RORA: variants seen among roughly 807,000 people sequenced by gnomAD.
RORA encodes the protein RAR related orphan receptor A.
In RORA, 7 loss-of-function variants were observed where a neutral mutation model predicts 69.5. The ratio of observed to expected loss-of-function variants is 0.10; its 90% confidence interval spans 0.06 to 0.19. The LOEUF is 0.19. RORA is among the 10% of genes least tolerant of loss of function. The pLI, the probability that RORA is intolerant of heterozygous loss-of-function variation, is 1.00. For missense variants in RORA, 457 were observed against 663.0 expected, an observed-to-expected ratio of 0.69 and a Z score of 3.41; for synonymous variants, 261 against 240.8, an observed-to-expected ratio of 1.08 and a Z score of -0.78.
At chr15:61,174,559 T>A (rs1162978625) in intron 1 of RORA, among the ~76,000 whole-genome samples, 1 of 152,228 alleles carries the variant, frequency 6.6e-6, no homozygotes, top group South Asian at 2.1e-4. Flanking sequence ...TCTCAGGAAG[T>A]AGTATATCAC....
intron 1 of RORA, among the ~76,000 whole-genome samples, chr15:60,809,020 G>A (rs927478237): frequency 2.0e-5 from 3 of 152,082 alleles, no homozygotes; most frequent in African/African-American, 7.2e-5. Flanking sequence ...GAGACTCAGA[G>A]GAAATGTTGG....
At chr15:60,907,398 G>A (rs943899849) in intron 1 of RORA, among the ~76,000 whole-genome samples, 4 of 152,084 alleles carry the variant, frequency 2.6e-5, no homozygotes, top group Non-Finnish European at 2.9e-5. Context: ...CAGGAGTCAG[G>A]GGCCATCCAC....
chr15:60,777,398 C>G (rs555764277), intron 1 of RORA, among the ~76,000 whole-genome samples: 8 of 152,292 alleles, frequency 5.3e-5, no homozygotes, highest in African/African-American at 1.9e-4. Context: ...TCTGTGTGAC[C>G]TTAGGCAAAT....
Position 61,006,797 on chromosome 15 carries a change from G to C in RORA, c.166+222256C>G, listed in dbSNP as rs116520507. ...CAACTGACTGTCCCTACTCTCGTAA[G>C]TTCTAACTCCCTTTGAATTATTGTC... On this transcript the variant is annotated intron_variant, in intron 1 of 10. Transcript: ENST00000335670. Among the ~76,000 whole-genome samples the C allele has an allele frequency of 4.3e-3, 649 of 152,232 alleles. 5 individuals are homozygous for C. The highest frequency in any genetic ancestry group is 0.015 in the African/African-American group (622 of 41,558).
intron 1 of RORA, among the ~76,000 whole-genome samples, chr15:61,184,624 C>T (rs1185762396): frequency 6.6e-6 from 1 of 152,092 alleles, no homozygotes; most frequent in Non-Finnish European, 1.5e-5. Flanking sequence ...ATATACTTCG[C>T]CCCCTAGGGG....
chr15:60,949,362 C>T (rs1348494450), intron 1 of RORA, among the ~76,000 whole-genome samples: 2 of 152,204 alleles, frequency 1.3e-5, no homozygotes, highest in Non-Finnish European at 2.9e-5. Flanking sequence ...CAGATAAAAC[C>T]TCTCAATATG....
intron 1 of RORA, among the ~76,000 whole-genome samples, chr15:61,204,351 T>C (rs756540610): frequency 3.3e-5 from 5 of 152,202 alleles, no homozygotes; most frequent in South Asian, 4.1e-4. Context: ...ATTAAATGAA[T>C]GAGTGGATAA....
intron 1 of RORA, among the ~76,000 whole-genome samples, chr15:61,096,955 G>T (rs1220387520): frequency 6.6e-6 from 1 of 152,200 alleles, no homozygotes; most frequent in African/African-American, 2.4e-5. Context: ...CGCCCATGTA[G>T]AAGGCACATG....
chr15:60,615,583 T>G (rs1378849677), intron 2 of RORA, among the ~76,000 whole-genome samples: 1 of 152,166 alleles, frequency 6.6e-6, no homozygotes, highest in Admixed American at 6.5e-5. Flanking sequence ...GGAGCAATCT[T>G]CAGTGGGTGG....
chr15:61,169,199 G>A (rs570970650), intron 1 of RORA, among the ~76,000 whole-genome samples: 1 of 152,054 alleles, frequency 6.6e-6, no homozygotes, highest in African/African-American at 2.4e-5. Flanking sequence ...AACTGAATGG[G>A]GAATCCAGCC....
At chr15:60,625,747 T>A (rs2069558955) in intron 2 of RORA, among the ~76,000 whole-genome samples, 1 of 152,230 alleles carries the variant, frequency 6.6e-6, no homozygotes. Flanking sequence ...ATGTTTGAAT[T>A]CATCATGCTA....
chr15:60,753,746 A>G (rs1267129070), intron 1 of RORA, among the ~76,000 whole-genome samples: 1 of 152,228 alleles, frequency 6.6e-6, no homozygotes, highest in Admixed American at 6.5e-5. Flanking sequence ...CTGCAAATAC[A>G]AGGAACTACT....
At chr15:60,922,941 G>A (rs556610138) in intron 1 of RORA, among the ~76,000 whole-genome samples, 2 of 152,240 alleles carry the variant, frequency 1.3e-5, no homozygotes, top group Non-Finnish European at 2.9e-5. Context: ...GATTCTGTAA[G>A]GGGTATTTCC....
chr15:60,633,845 C>G (rs1037391921), intron 2 of RORA, among the ~76,000 whole-genome samples: 10 of 152,192 alleles, frequency 6.6e-5, no homozygotes. Flanking sequence ...CTTCCTCCAA[C>G]CTGAGAAATG....
At chr15:60,564,316 T>A (rs768490579) in intron 2 of RORA, among the ~76,000 whole-genome samples, 5 of 152,220 alleles carry the variant, frequency 3.3e-5, no homozygotes, top group African/African-American at 4.8e-5. Flanking sequence ...TAGCCCAGTG[T>A]TTGGCATAGA....
chr15:60,790,481 G>T (rs1397656691), intron 1 of RORA, among the ~76,000 whole-genome samples: 1 of 152,176 alleles, frequency 6.6e-6, no homozygotes, highest in African/African-American at 2.4e-5. Flanking sequence ...ACATGGTGTG[G>T]CACCATGGCC....
At chr15:60,885,426 C>G (rs930406481) in intron 1 of RORA, among the ~76,000 whole-genome samples, 1 of 152,204 alleles carries the variant, frequency 6.6e-6, no homozygotes, top group Non-Finnish European at 1.5e-5. Flanking sequence ...TGAATACCAA[C>G]AAGTGACTAA....
At chr15:60,627,376 C>T in intron 2 of RORA, 3 of 1,614,116 alleles carry the variant, frequency 1.9e-6, no homozygotes, top group Non-Finnish European at 2.5e-6. Flanking sequence ...CTCATTCATG[C>T]CTTTTCCTGG....
At chr15:60,738,613 T>A (rs2071533698) in intron 1 of RORA, among the ~76,000 whole-genome samples, 1 of 152,266 alleles carries the variant, frequency 6.6e-6, no homozygotes, top group African/African-American at 2.4e-5. Flanking sequence ...TATGTATTCA[T>A]TATTCTTACA....
Sources: allele counts gnomAD v4.1 joint callset (sites outside exome capture counted in the v4.1 genomes callset), GRCh38; gene constraint gnomAD v4.1.1; transcripts MANE v1.5; gene names NCBI Gene and HGNC (gene_info 2026-07-23, HGNC 2026-07-21).